The following BMP5 variants were observed in gnomAD, a reference collection of about 807,000 sequenced individuals.
The protein encoded by BMP5 is bone morphogenetic protein 5.
In BMP5, 23 loss-of-function variants were observed where a neutral mutation model predicts 46.6. That is an observed-to-expected ratio of 0.49 (90% CI 0.35 to 0.70). The LOEUF is 0.70. Among genes scored for constraint, BMP5 ranks in the 30% least tolerant of loss-of-function variants. The pLI, the probability that BMP5 is intolerant of heterozygous loss-of-function variation, is 0.00. For missense variants in BMP5, 545 were observed against 565.6 expected, an observed-to-expected ratio of 0.96 and a Z score of 0.37; for synonymous variants, 204 against 191.9, an observed-to-expected ratio of 1.06 and a Z score of -0.52.
chr6:55,779,601 A>G (rs967755356), intron 3 of BMP5, among the ~76,000 whole-genome samples: 4 of 152,088 alleles, frequency 2.6e-5, no homozygotes, highest in African/African-American at 4.8e-5. Context: ...TCATTTTTAT[A>G]TGAGATTTTA....
intron 1 of BMP5, among the ~76,000 whole-genome samples, chr6:55,820,956 T>C (rs1394167828): frequency 6.6e-6 from 1 of 152,178 alleles, no homozygotes; most frequent in Non-Finnish European, 1.5e-5. Context: ...CATATTATTA[T>C]ATAATCTGGC....
At chr6:55,865,916 G>T (rs529852284) in intron 1 of BMP5, among the ~76,000 whole-genome samples, 1 of 152,212 alleles carries the variant, frequency 6.6e-6, no homozygotes, top group Non-Finnish European at 1.5e-5. Flanking sequence ...AACCAGTCTG[G>T]CTCCAAAACC....
At chr6:55,799,975 T>A (rs1164452236) in intron 2 of BMP5, among the ~76,000 whole-genome samples, 1 of 152,082 alleles carries the variant, frequency 6.6e-6, no homozygotes, top group East Asian at 1.9e-4. Context: ...AAGAATAGAG[T>A]TAGAGGTTGC....
At chr6:55,826,505 T>G (rs1479165812) in intron 1 of BMP5, among the ~76,000 whole-genome samples, 3 of 151,634 alleles carry the variant, frequency 2.0e-5, no homozygotes, top group African/African-American at 7.2e-5. Context: ...AAAAATATAA[T>G]AGTTTAGAAA....
intron 1 of BMP5, among the ~76,000 whole-genome samples, chr6:55,862,415 T>C (rs2127553950): frequency 6.6e-6 from 1 of 152,320 alleles, no homozygotes; most frequent in South Asian, 2.1e-4. Flanking sequence ...CAATTTATAA[T>C]TGTATCTCCA....
intron 5 of BMP5, 68 bp from the exon 6 acceptor site, chr6:55,759,183 A>AAAAAAAAAAAAAAAAAAAAAAAAAAAAAC (rs1774700306): frequency 1.4e-6 from 1 of 700,676 alleles, no homozygotes; most frequent in African/African-American, 3.0e-5. Context: ...AAAAAAAAAA[A>AAAAAAAAAAAAAAAAAAAAAAAAAAAAAC]CAACAAGAAA....
intron 1 of BMP5, among the ~76,000 whole-genome samples, chr6:55,837,324 A>C (rs2127544137): frequency 7.5e-6 from 1 of 132,822 alleles, no homozygotes; most frequent in East Asian, 2.1e-4. Flanking sequence ...TTATATCCTT[A>C]TAAAACTAAT....
intron 1 of BMP5, among the ~76,000 whole-genome samples, chr6:55,851,443 G>A (rs1582119389): frequency 6.6e-6 from 1 of 152,250 alleles, no homozygotes; most frequent in South Asian, 2.1e-4. Context: ...AGCAAGACTA[G>A]AGCGGTTGTC....
At chr6:55,782,116 A>G (rs1775333637) in intron 3 of BMP5, among the ~76,000 whole-genome samples, 1 of 152,142 alleles carries the variant, frequency 6.6e-6, no homozygotes, top group Admixed American at 6.6e-5. Flanking sequence ...CTACTTCTGC[A>G]GGAACACATT....
intron 3 of BMP5, among the ~76,000 whole-genome samples, chr6:55,792,877 GACA>G (rs1484221074): frequency 6.6e-6 from 1 of 152,080 alleles, no homozygotes; most frequent in East Asian, 1.9e-4. Context: ...CTGATTCTGT[GACA>G]ACAAGAAGCA....
intron 1 of BMP5, among the ~76,000 whole-genome samples, chr6:55,869,876 T>C (rs1430784280): frequency 6.6e-6 from 1 of 152,072 alleles, no homozygotes; most frequent in African/African-American, 2.4e-5. Context: ...AGAGTGTACC[T>C]CAATTCTCAA....
chr6:55,836,995 T>C (rs1480592845), intron 1 of BMP5, among the ~76,000 whole-genome samples: 3 of 152,138 alleles, frequency 2.0e-5, no homozygotes, highest in South Asian at 2.1e-4. Context: ...CTTTTTGGTA[T>C]TGAAAGTATG....
At chr6:55,784,501 T>G (rs575732640) in intron 3 of BMP5, among the ~76,000 whole-genome samples, 2 of 151,556 alleles carry the variant, frequency 1.3e-5, no homozygotes, top group South Asian at 2.1e-4. Context: ...GAAGAGGGGG[T>G]TTGTTATCAA....
intron 4 of BMP5, among the ~76,000 whole-genome samples, chr6:55,762,910 C>T (rs228138): frequency 0.88 from 134,499 of 152,076 alleles, 59,596 homozygotes; most frequent in African/African-American, 0.94. Flanking sequence ...GTAGACAATA[C>T]GTAAATGAAT....
At chr6:55,772,993 T>C (rs1333819968) in intron 4 of BMP5, 2 of 866,752 alleles carry the variant, frequency 2.3e-6, no homozygotes, top group Non-Finnish European at 2.8e-6. Context: ...AATAAATAGC[T>C]GCTGTATGAC....
At chr6:55,773,908 T>A (rs904534966) in intron 4 of BMP5, 141 bp downstream of exon 4, 9 of 925,880 alleles carry the variant, frequency 9.7e-6, no homozygotes, top group African/African-American at 1.6e-5. Flanking sequence ...TGAAACATTC[T>A]GGGATGCTAG....
intron 1 of BMP5, among the ~76,000 whole-genome samples, chr6:55,838,800 G>A (rs1776884786): frequency 6.6e-6 from 1 of 152,116 alleles, no homozygotes; most frequent in Non-Finnish European, 1.5e-5. Flanking sequence ...TGCTTTTGCT[G>A]CCATGCTTAT....
chr6:55,871,213 G>A (rs1273271437), intron 1 of BMP5, among the ~76,000 whole-genome samples: 2 of 151,302 alleles, frequency 1.3e-5, no homozygotes, highest in African/African-American at 2.4e-5. Flanking sequence ...ACAAAGAGAT[G>A]GTTAAAAAAG....
At chr6:55,861,210 T>G (rs1777519425) in intron 1 of BMP5, among the ~76,000 whole-genome samples, 1 of 152,202 alleles carries the variant, frequency 6.6e-6, no homozygotes, top group Admixed American at 6.5e-5. Context: ...AAACTTCCAC[T>G]TTAGTAGGTT....
Sources: gnomAD v4.1 joint callset for allele counts (sites outside exome capture counted in the v4.1 genomes callset) on GRCh38, gnomAD v4.1.1 for gene constraint, MANE v1.5 for transcripts, NCBI Gene and HGNC (gene_info 2026-07-23, HGNC 2026-07-21) for gene names.